The following BEND5 variants were observed in gnomAD, a reference collection of about 807,000 sequenced individuals.
BEND5 encodes the protein BEN domain containing 5, also known as BEN domain-containing protein 5.
In BEND5, 22 loss-of-function variants were observed where a neutral mutation model predicts 43.9. That is an observed-to-expected ratio of 0.50 (90% CI 0.36 to 0.72). The LOEUF (loss-of-function observed/expected upper bound fraction) is 0.72. Ranked by LOEUF, BEND5 falls within the 30% of genes least tolerant of loss-of-function variation. The probability of loss-of-function intolerance (pLI) is 0.00; values close to 1 mark genes in which losing one functional copy is unlikely to be tolerated. For missense variants in BEND5, 428 were observed against 550.6 expected, an observed-to-expected ratio of 0.78 and a Z score of 2.23; for synonymous variants, 228 against 225.9, an observed-to-expected ratio of 1.01 and a Z score of -0.08.
Position 48,735,881 on chromosome 1 carries a change from C to T in BEND5, c.1108+358G>A, listed in dbSNP as rs185603210. Among the ~76,000 whole-genome samples, 19 of 152,260 alleles carry T rather than the reference C, an allele frequency of 1.2e-4. No homozygotes were observed. In the Middle Eastern group the frequency reaches 0.014, roughly 109 times the overall value. On this transcript the variant is annotated intron_variant, in intron 5 of 5. Coordinates refer to ENST00000371833, the MANE Select transcript of BEND5 (RefSeq NM_024603.4). Reference sequence around the variant, plus strand: ...TACCTCACCATACACATCTGTGTCTCCTAGTCTGCCGTATTCTTCAAGGCC... The same window carrying T: ...TACCTCACCATACACATCTGTGTCTTCTAGTCTGCCGTATTCTTCAAGGCC...
chr1:48,750,099 C>T (rs767284591), intron 3 of BEND5, among the ~76,000 whole-genome samples: 1 of 152,158 alleles, frequency 6.6e-6, no homozygotes, highest in African/African-American at 2.4e-5. Context: ...GCTGATACTC[C>T]CTTCAGGCCA....
intron 3 of BEND5, among the ~76,000 whole-genome samples, chr1:48,748,551 G>C (rs767484873): frequency 6.6e-6 from 1 of 152,188 alleles, no homozygotes; most frequent in Non-Finnish European, 1.5e-5. Flanking sequence ...ATCTTCATAA[G>C]GACGGTCACC....
intron 4 of BEND5, among the ~76,000 whole-genome samples, chr1:48,741,279 C>T (rs1291927212): frequency 6.6e-6 from 1 of 152,202 alleles, no homozygotes; most frequent in Non-Finnish European, 1.5e-5. Context: ...TCAGAAAGGC[C>T]TTTGGAGAGC....
intron 3 of BEND5, among the ~76,000 whole-genome samples, chr1:48,745,233 TG>T (rs1650558688): frequency 6.6e-6 from 1 of 152,150 alleles, no homozygotes; most frequent in South Asian, 2.1e-4. Flanking sequence ...AGTAAAGTCC[TG>T]CTGCTGAGTA....
intron 4 of BEND5, among the ~76,000 whole-genome samples, chr1:48,740,954 A>G (rs1649825447): frequency 6.6e-6 from 1 of 152,228 alleles, no homozygotes; most frequent in Admixed American, 6.5e-5. Flanking sequence ...GCAAAAACCA[A>G]TGAAAAAACA....
chr1:48,765,568 T>C (rs1406220172), intron 1 of BEND5, among the ~76,000 whole-genome samples: 1 of 152,136 alleles, frequency 6.6e-6, no homozygotes, highest in Non-Finnish European at 1.5e-5. Flanking sequence ...CCTGGGTGTA[T>C]ATGCAAGATA....
intron 1 of BEND5, among the ~76,000 whole-genome samples, chr1:48,771,078 C>A (rs1644803052): frequency 6.6e-6 from 1 of 152,204 alleles, no homozygotes; most frequent in African/African-American, 2.4e-5. Context: ...GTATTTATAA[C>A]ATATTTGGTA....
intron 1 of BEND5, among the ~76,000 whole-genome samples, chr1:48,767,831 A>G (rs1026462288): frequency 2.0e-5 from 3 of 152,210 alleles, no homozygotes; most frequent in Non-Finnish European, 2.9e-5. Flanking sequence ...GGAAACCACC[A>G]AAGATTTGGG....
intron 1 of BEND5, among the ~76,000 whole-genome samples, chr1:48,764,323 T>C (rs1042994065): frequency 6.6e-6 from 1 of 152,244 alleles, no homozygotes; most frequent in African/African-American, 2.4e-5. Context: ...GAATAATTCC[T>C]ACTCACGTTG....
intron 3 of BEND5, among the ~76,000 whole-genome samples, chr1:48,748,983 C>G (rs979249178): frequency 6.6e-6 from 1 of 152,052 alleles, no homozygotes; most frequent in African/African-American, 2.4e-5. Flanking sequence ...GGGCCATACC[C>G]TCGGGGAATC....
In BEND5 at chr1:48,736,845, A is replaced by C. The variant is rs1265058861; in HGVS notation, c.895-393T>G. Among the ~76,000 whole-genome samples the C allele has an allele frequency of 6.6e-6, 1 of 152,188 alleles. No individual in the cohort carries two copies. The highest frequency in any genetic ancestry group is 2.4e-5 in the African/African-American group (1 of 41,448). On this transcript the variant is annotated intron_variant, in intron 4 of 5. Transcript: ENST00000371833. The surrounding 1 kb of genome is among the most constrained non-coding windows in gnomAD (Gnocchi z 4.0). ...GCTGCTCAGAGCCTTACCAAATCTCAGGACACCCATGCTTAACTTCTTTCT... is the reference window on the plus strand; with the variant it reads ...GCTGCTCAGAGCCTTACCAAATCTCCGGACACCCATGCTTAACTTCTTTCT...
chr1:48,763,061 T>A (rs1213654154), intron 1 of BEND5, among the ~76,000 whole-genome samples: 9 of 151,846 alleles, frequency 5.9e-5, no homozygotes, highest in Admixed American at 3.3e-4. Flanking sequence ...TCTGAATCAT[T>A]TTCTTCTCTT....
rs537378945 is a variant in BEND5 at position 48,751,881 on chromosome 1, G to A, written c.745+7019C>T. On this transcript the variant is annotated intron_variant, in intron 3 of 5. Transcript: ENST00000371833. ...GGGGAAGGAGGGTCCTGAATTGTTCGGCCACCCTGAAATCAACTTTTAAAA... is the reference window on the plus strand; with the variant it reads ...GGGGAAGGAGGGTCCTGAATTGTTCAGCCACCCTGAAATCAACTTTTAAAA... Among the ~76,000 whole-genome samples the A allele has an allele frequency of 3.3e-5, 5 of 152,224 alleles. No individual in the cohort carries two copies. The South Asian group carries it at 8.3e-4, about 25-fold the overall frequency.
intron 3 of BEND5, among the ~76,000 whole-genome samples, chr1:48,749,125 G>A (rs1040526200): frequency 1.3e-5 from 2 of 152,144 alleles, no homozygotes; most frequent in East Asian, 1.9e-4. Context: ...GGTTCTCCCC[G>A]ACTTTGAGGA....
intron 1 of BEND5, among the ~76,000 whole-genome samples, chr1:48,763,946 T>C (rs1644404078): frequency 6.6e-6 from 1 of 152,154 alleles, no homozygotes; most frequent in Non-Finnish European, 1.5e-5. Flanking sequence ...ATAACATGAA[T>C]GTAGGAGAAC....
intron 2 of BEND5, among the ~76,000 whole-genome samples, chr1:48,760,851 A>G (rs1282477862): frequency 6.6e-6 from 1 of 152,232 alleles, no homozygotes; most frequent in Non-Finnish European, 1.5e-5. Flanking sequence ...TGGGGCACAC[A>G]GCAAGAAAAT....
At position 48,736,819 on chromosome 1, in the gene BEND5, G is replaced by A. The variant is rs1400349792; in HGVS notation, c.895-367C>T. Among the ~76,000 whole-genome samples, 1 of 152,154 alleles carries A rather than the reference G, an allele frequency of 6.6e-6. No homozygotes were observed. On this transcript the variant is annotated intron_variant, in intron 4 of 5. Transcript: ENST00000371833. This position sits in a 1 kb window ranked among gnomAD's most constrained non-coding sequence, Gnocchi z 4.0. ...CTACACTATACTTAGTTTATCACAA[G>A]GCTGCTCAGAGCCTTACCAAATCTC...
rs771957986 is a variant in BEND5 at position 48,742,743 on chromosome 1, C to T, written c.774G>A (p.Lys258=). The change falls in exon 4 of 6, where the codon AAG becomes AAA. Residue 258 remains lysine (K), a synonymous_variant. Coordinates refer to ENST00000371833, the MANE Select transcript of BEND5 (RefSeq NM_024603.4). ...SGPAIDLEKV[K]SECLEPEPEL... ...CCGGCTCGGGCTCGAGACATTCTGA[C>T]TTTACTTTTTCCAGATCAATGGCGG... 15 of 1,605,192 alleles carry T rather than the reference C, an allele frequency of 9.3e-6. No homozygotes were observed. The highest frequency in any genetic ancestry group is 1.2e-5 in the Non-Finnish European group (14 of 1,175,096).
chr1:48,764,721 A>C (rs1251885926), intron 1 of BEND5, among the ~76,000 whole-genome samples: 1 of 152,206 alleles, frequency 6.6e-6, no homozygotes, highest in Non-Finnish European at 1.5e-5. Flanking sequence ...GCAAGCTGCT[A>C]CCTCACTGAG....
Sources: gnomAD v4.1 joint callset for allele counts (sites outside exome capture counted in the v4.1 genomes callset) on GRCh38, gnomAD v4.1.1 for gene constraint, Gnocchi (gnomAD v3.1) non-coding constraint, MANE v1.5 for transcripts, NCBI Gene and HGNC (gene_info 2026-07-23, HGNC 2026-07-21) for gene names.